Variants in STRBP observed in about 807,000 individuals in gnomAD.
The protein encoded by STRBP is spermatid perinuclear RNA-binding protein.
In STRBP, 13 loss-of-function variants were observed where a neutral mutation model predicts 80.1. The ratio of observed to expected loss-of-function variants is 0.16; its 90% CI spans 0.11 to 0.26. The LOEUF (loss-of-function observed/expected upper bound fraction) is 0.26, where lower values mean the gene tolerates loss of function less well. Among genes scored for constraint, STRBP ranks in the 10% least tolerant of loss-of-function variants. The pLI is 1.00. For missense variants in STRBP, 485 were observed against 815.2 expected, an observed-to-expected ratio of 0.59 and a Z score of 4.93; for synonymous variants, 284 against 291.2, an observed-to-expected ratio of 0.98 and a Z score of 0.25.
At chr9:123,216,639 T>C (rs897033750) in intron 2 of STRBP, among the ~76,000 whole-genome samples, 18 of 152,214 alleles carry the variant, frequency 1.2e-4, no homozygotes, top group African/African-American at 4.3e-4. Context: ...CACGATTCAT[T>C]CTAAAGATGC....
At chr9:123,189,328 G>T in intron 2 of STRBP, among the ~76,000 whole-genome samples, 1 of 142,962 alleles carries the variant, frequency 7.0e-6, no homozygotes. Context: ...GGGAGGGTGG[G>T]GAGGGATAAC....
intron 13 of STRBP, among the ~76,000 whole-genome samples, chr9:123,146,527 G>A (rs952523729): frequency 1.3e-5 from 2 of 148,454 alleles, no homozygotes; most frequent in Non-Finnish European, 3.0e-5. Context: ...TATACTGTGA[G>A]CTCACTTAAA....
intron 2 of STRBP, among the ~76,000 whole-genome samples, chr9:123,202,977 A>G (rs114199026): frequency 1.3e-5 from 2 of 152,290 alleles, no homozygotes; most frequent in African/African-American, 4.8e-5. Context: ...TTGCCTTCCA[A>G]CTAGTTATCT....
At chr9:123,208,076 T>TA (rs968989733) in intron 2 of STRBP, among the ~76,000 whole-genome samples, 2 of 151,670 alleles carry the variant, frequency 1.3e-5, no homozygotes, top group Non-Finnish European at 2.9e-5. Context: ...TGATATTGAG[T>TA]AGAAGGTACA....
At chr9:123,149,316 C>G (rs2036956594) in intron 11 of STRBP, among the ~76,000 whole-genome samples, 2 of 152,192 alleles carry the variant, frequency 1.3e-5, no homozygotes, top group South Asian at 4.1e-4. Flanking sequence ...TATTATATTT[C>G]ATTTGCATTA....
Position 123,115,433 on chromosome 9 carries a change from C to T in STRBP, c.*84+496G>A, listed in dbSNP as rs775999346. The T allele has an allele frequency of 2.1e-4, 97 of 469,782 alleles. 1 individual carries two copies. The highest frequency in any genetic ancestry group is 9.9e-4 in the Admixed American group (42 of 42,498). The allele number at this position is 469,782 out of a possible 1,614,324, so 29.1% of individuals were successfully genotyped here. On this transcript the variant is annotated intron_variant and NMD_transcript_variant, in intron 3 of 3. Transcript: ENST00000471564. The surrounding 1 kb of genome is among the most constrained non-coding windows in gnomAD (Gnocchi z 5.0). ...GGGGGAGACCCACTGAAGCCTTTCT[C>T]CCTGCACAGAGGAGGACTCTCATTC...
At chr9:123,166,249 C>T (rs1564256680) in intron 6 of STRBP, among the ~76,000 whole-genome samples, 2 of 152,186 alleles carry the variant, frequency 1.3e-5, no homozygotes, top group Non-Finnish European at 2.9e-5. Context: ...TTTTGACCTA[C>T]CATGTGCACA....
intron 2 of STRBP, among the ~76,000 whole-genome samples, chr9:123,211,557 GGACTAT>G (rs1034801356): frequency 6.6e-6 from 1 of 152,046 alleles, no homozygotes; most frequent in Non-Finnish European, 1.5e-5. Flanking sequence ...TCATAAACAA[GGACTAT>G]GACTAATCCA....
Position 123,220,267 on chromosome 9 carries a change from T to C in STRBP, c.-165+16563A>G, listed in dbSNP as rs180694835. Among the ~76,000 whole-genome samples, 109 of 152,364 alleles carry C rather than the reference T, an allele frequency of 7.2e-4. 1 individual carries two copies. The highest frequency in any genetic ancestry group is 2.5e-3 in the African/African-American group (106 of 41,584). On this transcript the variant is annotated intron_variant, in intron 2 of 18. Coordinates refer to ENST00000348403, the MANE Select transcript of STRBP (RefSeq NM_018387.5). ...AATGTGTCACTAGGCAATTTCATCA[T>C]TGTGTGACATCATAAAGTGTACTTA...
Position 123,114,417 on chromosome 9 carries a change from TG to T in STRBP, c.*84+1511del, listed in dbSNP as rs149751997. Reference sequence around the variant, plus strand: ...GCTGAATCCAACAAGCTCCAACCCTTGCTTAGGTTAAAAATGAACACAAATG... The same window carrying T: ...GCTGAATCCAACAAGCTCCAACCCTTCTTAGGTTAAAAATGAACACAAATG... On this transcript the variant is annotated intron_variant and NMD_transcript_variant, in intron 3 of 3. Coordinates refer to the STRBP transcript ENST00000471564. 6.4e-3 allele frequency: 1,064 copies of T among 167,220 alleles called. 5 individuals carry two copies. The highest frequency in any genetic ancestry group is 9.1e-3 in the Non-Finnish European group (623 of 68,120). The allele number at this position is 167,220 out of a possible 1,614,324, so 10.4% of individuals were successfully genotyped here.
chr9:123,227,148 G>A (rs778674592), intron 2 of STRBP, among the ~76,000 whole-genome samples: 24 of 151,980 alleles, frequency 1.6e-4, no homozygotes, highest in Non-Finnish European at 3.2e-4. Context: ...TTCAAACCAC[G>A]GCAATCATAA....
At chr9:123,194,240 T>C (rs905242252) in intron 2 of STRBP, among the ~76,000 whole-genome samples, 143 of 152,174 alleles carry the variant, frequency 9.4e-4, no homozygotes, top group African/African-American at 3.3e-3. Flanking sequence ...TTCATGCAAA[T>C]TGCCAACCTT....
chr9:123,241,254 CACTTTGGGAGGATG>C (rs1160581054), intron 1 of STRBP, among the ~76,000 whole-genome samples: 4 of 151,702 alleles, frequency 2.6e-5, no homozygotes, highest in Non-Finnish European at 5.9e-5. Flanking sequence ...ATAATCTCAG[CACTTTGGGAGGATG>C]AGGCAGCAGA....
intron 2 of STRBP, among the ~76,000 whole-genome samples, chr9:123,194,167 CTT>C (rs963815188): frequency 1.4e-4 from 21 of 152,206 alleles, no homozygotes; most frequent in Non-Finnish European, 1.0e-4. Context: ...TCACACTTCT[CTT>C]GTCTCTTCAA....
At chr9:123,134,250 G>T (rs954799276) in intron 16 of STRBP, among the ~76,000 whole-genome samples, 1 of 152,182 alleles carries the variant, frequency 6.6e-6, no homozygotes, top group African/African-American at 2.4e-5. Context: ...CAAGAAAGTG[G>T]TGCAAAGCCT....
chr9:123,211,014 T>G (rs2039689636), intron 2 of STRBP, among the ~76,000 whole-genome samples: 1 of 152,178 alleles, frequency 6.6e-6, no homozygotes, highest in Non-Finnish European at 1.5e-5. Context: ...TCCCATAACC[T>G]ATTATGCAGG....
chr9:123,197,964 G>A (rs1314341907), intron 2 of STRBP, among the ~76,000 whole-genome samples: 1 of 152,046 alleles, frequency 6.6e-6, no homozygotes, highest in Non-Finnish European at 1.5e-5. Flanking sequence ...GTGAGCCACG[G>A]AGCCTGGCTC....
chr9:123,150,898 A>C (rs2037029286), intron 11 of STRBP, among the ~76,000 whole-genome samples: 1 of 152,206 alleles, frequency 6.6e-6, no homozygotes, highest in African/African-American at 2.4e-5. Flanking sequence ...CCAGCTTCAA[A>C]TTATCTTAAT....
chr9:123,187,162 C>T (rs2038732620), intron 2 of STRBP, among the ~76,000 whole-genome samples: 1 of 151,636 alleles, frequency 6.6e-6, no homozygotes, highest in African/African-American at 2.4e-5. Context: ...TAAGTAAGAC[C>T]ATAAAGTAAA....
Sources: allele counts gnomAD v4.1 joint callset (sites outside exome capture counted in the v4.1 genomes callset), GRCh38; gene constraint gnomAD v4.1.1; non-coding constraint Gnocchi (gnomAD v3.1); transcripts MANE v1.5; gene names NCBI Gene and HGNC (gene_info 2026-07-23, HGNC 2026-07-21).